Variants in CACNB2 observed in about 807,000 individuals in gnomAD.
CACNB2 encodes the protein calcium voltage-gated channel auxiliary subunit beta 2, also known as voltage-dependent L-type calcium channel subunit beta-2.
Under a neutral mutation model 73.3 loss-of-function variants are expected in CACNB2, and 42 were observed. That is an observed-to-expected ratio of 0.57 (90% CI 0.45 to 0.74). The LOEUF (loss-of-function observed/expected upper bound fraction) is 0.74. Among genes scored for constraint, CACNB2 ranks in the 30% least tolerant of loss-of-function variants. The pLI, the probability that CACNB2 is intolerant of heterozygous loss-of-function variation, is 0.00. For synonymous variants in CACNB2, 348 were observed against 310.3 expected (o/e 1.12, Z -1.28); for missense variants, 940 against 853.0 (o/e 1.10, Z -1.27).
intron 2 of CACNB2, among the ~76,000 whole-genome samples, chr10:18,357,882 C>A (rs993905278): frequency 2.6e-5 from 4 of 152,144 alleles, no homozygotes; most frequent in Non-Finnish European, 4.4e-5. Flanking sequence ...CTGGAACACT[C>A]CTTTTGGGGA....
chr10:18,405,479 G>A (rs563254697), intron 3 of CACNB2, among the ~76,000 whole-genome samples: 6 of 152,260 alleles, frequency 3.9e-5, no homozygotes, highest in South Asian at 4.1e-4. Flanking sequence ...GTGTGTGGGC[G>A]TATGTTTTCA....
At chr10:18,308,562 T>A (rs2039836613) in intron 2 of CACNB2, among the ~76,000 whole-genome samples, 1 of 152,208 alleles carries the variant, frequency 6.6e-6, no homozygotes, top group African/African-American at 2.4e-5. Flanking sequence ...CATTGTAAAA[T>A]GGCAAGTATA....
intron 4 of CACNB2, 79 bp from the exon 5 acceptor site, chr10:18,500,733 C>A: frequency 7.0e-7 from 1 of 1,422,714 alleles, no homozygotes. Flanking sequence ...CCATATTTCT[C>A]TCGACTGAAA....
intron 3 of CACNB2, among the ~76,000 whole-genome samples, chr10:18,496,394 TG>T (rs2132988763): frequency 6.6e-6 from 1 of 152,234 alleles, no homozygotes; most frequent in Non-Finnish European, 1.5e-5. Context: ...TCGGAAAATT[TG>T]GAAATGAAAA....
At chr10:18,378,940 T>G (rs994875732) in intron 2 of CACNB2, among the ~76,000 whole-genome samples, 17 of 152,156 alleles carry the variant, frequency 1.1e-4, no homozygotes, top group African/African-American at 4.1e-4. Flanking sequence ...CCAGGGCTGT[T>G]CTAGGTGCTG....
chr10:18,237,610 A>G (rs142123032), intron 2 of CACNB2, among the ~76,000 whole-genome samples: 37 of 152,298 alleles, frequency 2.4e-4, no homozygotes, highest in Middle Eastern at 6.8e-3. Context: ...CACCTATCCT[A>G]TGGTGCATAG....
At chr10:18,517,285 AT>A (rs1425006430) in intron 7 of CACNB2, among the ~76,000 whole-genome samples, 1 of 152,130 alleles carries the variant, frequency 6.6e-6, no homozygotes, top group Admixed American at 6.5e-5. Context: ...ACTCTTATGC[AT>A]TTTTTTAAAA....
intron 3 of CACNB2, among the ~76,000 whole-genome samples, chr10:18,442,986 G>GTATA (rs369054241): frequency 0.056 from 1,067 of 19,224 alleles, 154 homozygotes; most frequent in East Asian, 0.12. Flanking sequence ...ATATATATAT[G>GTATA]TATATATATA....
chr10:18,394,248 G>A (rs568397810), intron 2 of CACNB2, among the ~76,000 whole-genome samples: 22 of 152,196 alleles, frequency 1.4e-4, no homozygotes, highest in Non-Finnish European at 2.1e-4. Flanking sequence ...GAGCCACTGC[G>A]CCTGGCCCAA....
intron 2 of CACNB2, among the ~76,000 whole-genome samples, chr10:18,342,338 AG>A (rs1192339471): frequency 6.6e-6 from 1 of 152,224 alleles, no homozygotes; most frequent in African/African-American, 2.4e-5. Flanking sequence ...GATATTAAAT[AG>A]TCACGAGGCC....
intron 2 of CACNB2, among the ~76,000 whole-genome samples, chr10:18,358,953 T>C (rs891888484): frequency 3.9e-5 from 6 of 152,182 alleles, no homozygotes; most frequent in Admixed American, 6.5e-5. Context: ...ATGGCGTTTT[T>C]CTCTTATGCA....
intron 2 of CACNB2, among the ~76,000 whole-genome samples, chr10:18,360,815 A>G (rs1057317125): frequency 6.6e-6 from 1 of 152,214 alleles, no homozygotes; most frequent in Non-Finnish European, 1.5e-5. Context: ...AGCAAGGAGC[A>G]GAACAGGACT....
chr10:18,306,177 C>G (rs935923032), intron 2 of CACNB2, among the ~76,000 whole-genome samples: 1 of 151,962 alleles, frequency 6.6e-6, no homozygotes, highest in African/African-American at 2.4e-5. Flanking sequence ...GGCACAGATG[C>G]AGTGAGTTAT....
intron 2 of CACNB2, among the ~76,000 whole-genome samples, chr10:18,188,438 C>G (rs895516856): frequency 6.6e-6 from 1 of 152,074 alleles, no homozygotes; most frequent in Non-Finnish European, 1.5e-5. Context: ...TCCCAAGTGC[C>G]TAGGACTAGA....
chr10:18,315,521 A>AC (rs2040142960), intron 2 of CACNB2, among the ~76,000 whole-genome samples: 2 of 131,124 alleles, frequency 1.5e-5, no homozygotes, highest in South Asian at 2.4e-4. Context: ...AAAAAAAAAA[A>AC]AAAAAAACTT....
intron 2 of CACNB2, among the ~76,000 whole-genome samples, chr10:18,382,262 C>T (rs2043050249): frequency 6.6e-6 from 1 of 152,020 alleles, no homozygotes; most frequent in Non-Finnish European, 1.5e-5. Flanking sequence ...TGTCTCGTCT[C>T]ATAACTCTGT....
intron 10 of CACNB2, chr10:18,533,130 C>T (rs2053228878): frequency 6.6e-6 from 1 of 152,156 alleles, no homozygotes; most frequent in Non-Finnish European, 1.5e-5. Flanking sequence ...AATTGTAAAT[C>T]CACATTTGCT....
At chr10:18,468,830 C>T (rs1324967082) in intron 3 of CACNB2, among the ~76,000 whole-genome samples, 14 of 152,110 alleles carry the variant, frequency 9.2e-5, no homozygotes, top group Admixed American at 9.2e-4. Flanking sequence ...AACTCCAGAT[C>T]TCAGGTGATT....
rs775546005 is a variant in CACNB2 at position 18,340,914 on chromosome 10, G to C, written c.214-61010G>C. 1.4e-5 allele frequency: 22 copies of C among 1,614,010 alleles called. No individual in the cohort carries two copies. Among genetic ancestry groups the C allele is most frequent in the Admixed American group, 1.3e-4 (8 of 60,000 alleles). ...CCTGCTGGAGTGCTGGGCGCACTTG[G>C]AATTGGTCTAGCATGCTTGACAGAC... is the stretch of plus-strand genomic sequence containing the variant. On this transcript the variant is annotated intron_variant, in intron 2 of 13. Coordinates refer to ENST00000324631, the MANE Select transcript of CACNB2 (RefSeq NM_201596.3).
Sources: allele counts gnomAD v4.1 joint callset (sites outside exome capture counted in the v4.1 genomes callset), GRCh38; gene constraint gnomAD v4.1.1; transcripts MANE v1.5; gene names NCBI Gene and HGNC (gene_info 2026-07-23, HGNC 2026-07-21).